LIMCH1: variants seen among roughly 807,000 people sequenced by gnomAD.
LIMCH1 encodes LIM and calponin homology domains 1.
Under a neutral mutation model 176.5 loss-of-function variants are expected in LIMCH1, and 113 were observed. The observed-to-expected ratio is 0.64, with a 90% CI of 0.55 to 0.75. The LOEUF (loss-of-function observed/expected upper bound fraction) is 0.75. Ranked by LOEUF, LIMCH1 falls within the 30% of genes least tolerant of loss-of-function variation. The probability of loss-of-function intolerance (pLI) is 0.00; values close to 1 mark genes in which losing one functional copy is unlikely to be tolerated. For synonymous variants in LIMCH1, 619 were observed against 645.9 expected (o/e 0.96, Z 0.63); for missense variants, 1,674 against 1,814.9 (o/e 0.92, Z 1.41).
intron 21 of LIMCH1, among the ~76,000 whole-genome samples, chr4:41,667,912 A>T (rs898365017): frequency 1.3e-5 from 2 of 151,926 alleles, no homozygotes; most frequent in African/African-American, 4.8e-5. Context: ...CAGGAGGAGC[A>T]CTTGAGGCCA....
At chr4:41,549,402 G>C (rs1209499611) in intron 1 of LIMCH1, among the ~76,000 whole-genome samples, 2 of 152,202 alleles carry the variant, frequency 1.3e-5, no homozygotes, top group Non-Finnish European at 2.9e-5. Flanking sequence ...GTGCTCATGG[G>C]TATGCACTCG....
intron 1 of LIMCH1, among the ~76,000 whole-genome samples, chr4:41,394,367 GA>G (rs1380439982): frequency 6.6e-6 from 1 of 152,146 alleles, no homozygotes; most frequent in Admixed American, 6.5e-5. Flanking sequence ...TCTGAAATGA[GA>G]ATGAAATATT....
chr4:41,367,796 G>A (rs186913609), intron 1 of LIMCH1, among the ~76,000 whole-genome samples: 1 of 151,202 alleles, frequency 6.6e-6, no homozygotes, highest in East Asian at 1.9e-4. Flanking sequence ...GAACCTGGGA[G>A]GCGGAACTTG....
intron 1 of LIMCH1, among the ~76,000 whole-genome samples, chr4:41,401,719 T>G (rs2058461770): frequency 6.6e-6 from 1 of 152,158 alleles, no homozygotes; most frequent in African/African-American, 2.4e-5. Flanking sequence ...GAGCAGTGGT[T>G]TGTAGTTCTC....
intron 1 of LIMCH1, among the ~76,000 whole-genome samples, chr4:41,586,178 A>C (rs370736630): frequency 7.4e-5 from 11 of 148,778 alleles, no homozygotes; most frequent in African/African-American, 2.7e-4. Flanking sequence ...GCGTGATCTC[A>C]GCTCACTGCA....
intron 13 of LIMCH1, among the ~76,000 whole-genome samples, chr4:41,635,483 C>T (rs2093540587): frequency 6.6e-6 from 1 of 152,156 alleles, no homozygotes; most frequent in African/African-American, 2.4e-5. Context: ...CTGCCTTGAT[C>T]TCCCAAAGTC....
chr4:41,482,927 A>G (rs1463974842), intron 1 of LIMCH1, among the ~76,000 whole-genome samples: 1 of 152,184 alleles, frequency 6.6e-6, no homozygotes, highest in Non-Finnish European at 1.5e-5. Flanking sequence ...AAGGATTTTC[A>G]GTGAGTTAAA....
At chr4:41,630,274 A>G (rs2093245365) in intron 9 of LIMCH1, among the ~76,000 whole-genome samples, 1 of 152,046 alleles carries the variant, frequency 6.6e-6, no homozygotes, top group Admixed American at 6.5e-5. Flanking sequence ...CCCTTGTATC[A>G]TTTTTTATTT....
intron 26 of LIMCH1, among the ~76,000 whole-genome samples, chr4:41,683,928 C>T (rs539805024): frequency 1.3e-5 from 2 of 152,316 alleles, no homozygotes; most frequent in Non-Finnish European, 2.9e-5. Flanking sequence ...TTTCTCCAGA[C>T]AGGCATTTTA....
At position 41,556,405 on chromosome 4, in the gene LIMCH1, A is replaced by G. The variant is rs141406968; in HGVS notation, c.-241+18055A>G. Among the ~76,000 whole-genome samples, 702 of 151,726 alleles carry G rather than the reference A, an allele frequency of 4.6e-3. 3 individuals carry two copies. The highest frequency in any genetic ancestry group is 6.8e-3 in the Middle Eastern group (2 of 294). On this transcript the variant is annotated intron_variant, in intron 1 of 31. Coordinates refer to ENST00000503057, the MANE Select transcript of LIMCH1 (RefSeq NM_001330672.2). ...GGCAAAACTCTATCTCAAAAAAAAA[A>G]AAAAAAAAGGAAAGAAAAAGAAAAT...
chr4:41,384,228 G>A (rs908916856), intron 1 of LIMCH1, among the ~76,000 whole-genome samples: 8 of 150,820 alleles, frequency 5.3e-5, no homozygotes, highest in African/African-American at 1.2e-4. Context: ...TTTTTGAGAC[G>A]GAGTCTTGCT....
chr4:41,516,494 C>T (rs942885166), intron 2 of LIMCH1, among the ~76,000 whole-genome samples: 3 of 152,188 alleles, frequency 2.0e-5, no homozygotes, highest in African/African-American at 4.8e-5. Flanking sequence ...CTTCACCTCC[C>T]GGGGACAGTT....
intron 3 of LIMCH1, among the ~76,000 whole-genome samples, chr4:41,526,628 A>G (rs944993633): frequency 1.3e-5 from 2 of 152,002 alleles, no homozygotes; most frequent in Non-Finnish European, 2.9e-5. Context: ...TCAGCTCTCC[A>G]TGATATTGAC....
intron 23 of LIMCH1, 30 bp downstream of exon 23, chr4:41,676,492 T>G (rs1476695360): frequency 6.5e-7 from 1 of 1,548,130 alleles, no homozygotes; most frequent in African/African-American, 1.4e-5. Context: ...TTTTTTTGTT[T>G]TTCCTTTTTT....
chr4:41,365,964 C>T (rs1254693258), intron 1 of LIMCH1, among the ~76,000 whole-genome samples: 3 of 152,236 alleles, frequency 2.0e-5, no homozygotes, highest in Non-Finnish European at 2.9e-5. Context: ...CACTGGGTCT[C>T]TTGGCCTCCA....
chr4:41,694,443 G>C (rs1287980077), intron 31 of LIMCH1, among the ~76,000 whole-genome samples: 1 of 152,128 alleles, frequency 6.6e-6, no homozygotes, highest in Non-Finnish European at 1.5e-5. Flanking sequence ...GTATCTACCT[G>C]GATTTGTGTT....
At chr4:41,527,382 G>C (rs1307811625) in intron 3 of LIMCH1, among the ~76,000 whole-genome samples, 1 of 152,166 alleles carries the variant, frequency 6.6e-6, no homozygotes, top group African/African-American at 2.4e-5. Context: ...CAAACTTACC[G>C]ATATCTATAA....
intron 26 of LIMCH1, among the ~76,000 whole-genome samples, chr4:41,683,797 T>C (rs1469066713): frequency 6.6e-6 from 1 of 152,332 alleles, no homozygotes; most frequent in African/African-American, 2.4e-5. Flanking sequence ...TTTTATGCAA[T>C]GAAAACCACT....
intron 1 of LIMCH1, among the ~76,000 whole-genome samples, chr4:41,417,302 T>C (rs575550545): frequency 3.5e-4 from 53 of 152,208 alleles, no homozygotes; most frequent in South Asian, 6.2e-4. Flanking sequence ...TGAACAAATA[T>C]CTCATTTAAT....
Sources: gnomAD v4.1 joint callset for allele counts (sites outside exome capture counted in the v4.1 genomes callset) on GRCh38, gnomAD v4.1.1 for gene constraint, MANE v1.5 for transcripts, NCBI Gene and HGNC (gene_info 2026-07-23, HGNC 2026-07-21) for gene names.